The following PVALEF variants were observed in gnomAD, a reference collection of about 807,000 sequenced individuals.
PVALEF encodes parvalbumin like EF-hand containing.
Under a neutral mutation model 1.2 loss-of-function variants are expected in PVALEF, and 2 were observed. The observed-to-expected ratio is 1.68, with a 90% CI of 0.69 to 5.28. The LOEUF is 5.28. PVALEF is among the 30% of genes most tolerant of loss of function. PVALEF has a pLI of 0.06. For missense variants in PVALEF, 35 were observed against 17.7 expected (o/e 1.97, Z -1.75); for synonymous variants, 16 against 6.5 (o/e 2.47, Z -2.24).
At chr17:81,165,861 G>C in intron 1 of PVALEF, 114 bp downstream of exon 1, 1 of 1,534,710 alleles carries the variant, frequency 6.5e-7, no homozygotes, top group Non-Finnish European at 8.8e-7. Flanking sequence ...TGCAAACCGG[G>C]AGCCGTGGGG....
At chr17:81,170,257 CTG>C (rs1408975034) in intron 2 of PVALEF, among the ~76,000 whole-genome samples, 5 of 149,164 alleles carry the variant, frequency 3.4e-5, no homozygotes, top group African/African-American at 9.9e-5. Flanking sequence ...GTGTGCATGT[CTG>C]TGCATATCCA....
intron 1 of PVALEF, 54 bp from the exon 2 acceptor site, chr17:81,166,623 G>C (rs1006014860): frequency 2.2e-6 from 1 of 448,376 alleles, no homozygotes; most frequent in Non-Finnish European, 4.5e-6. Flanking sequence ...GGGGGAACCC[G>C]GGAGCACACC....
intron 2 of PVALEF, among the ~76,000 whole-genome samples, chr17:81,174,703 A>C (rs1460549611): frequency 2.6e-5 from 4 of 152,136 alleles, no homozygotes; most frequent in African/African-American, 9.6e-5. Context: ...TAATCCCAGC[A>C]CTTTGGGAGG....
intron 3 of PVALEF, among the ~76,000 whole-genome samples, chr17:81,179,559 G>C (rs866081943): frequency 7.9e-5 from 12 of 152,112 alleles, no homozygotes; most frequent in Admixed American, 3.9e-4. Context: ...GGGCTGGCAG[G>C]GCAGCGAGTC....
rs747585761 is a variant in PVALEF, at chr17:81,182,056, C to A, written c.333C>A (p.His111Gln). The change falls in exon 6 of 7, where the codon CAC (histidine) becomes CAA (glutamine). Residue 111 changes from histidine (H) to glutamine (Q), a missense_variant. Physicochemically the swap from His to Gln is conservative, Grantham distance 24. Transcript: ENST00000637878. ...CCATGATCCAGGCGGCAGACACACA[C>A]GGGGACGGGAGGATCAACTACGAAG... ...AEAMIQAADT[H>Q]GDGRINYEEF... 2 of 398,750 alleles carry A rather than the reference C, an allele frequency of 5.0e-6. No homozygotes were observed. Among genetic ancestry groups the A allele is most frequent in the Non-Finnish European group, 8.8e-6 (2 of 226,178 alleles). The allele number at this position is 398,750 out of a possible 1,614,324, so 24.7% of individuals were successfully genotyped here.
chr17:81,171,998 C>T (rs537699234), intron 2 of PVALEF, among the ~76,000 whole-genome samples: 2 of 152,322 alleles, frequency 1.3e-5, no homozygotes, highest in East Asian at 1.9e-4. Context: ...GTTCAGTCCC[C>T]ATGGACCGGC....
chr17:81,166,894 CTA>C (rs779185869), intron 2 of PVALEF, 50 bp downstream of exon 2: 2 of 339,796 alleles, frequency 5.9e-6, no homozygotes, highest in Non-Finnish European at 6.0e-6. Context: ...ATCCCTTCCC[CTA>C]TGTTTCTCCC....
intron 2 of PVALEF, among the ~76,000 whole-genome samples, chr17:81,168,073 G>A (rs1435385729): frequency 6.6e-6 from 1 of 152,208 alleles, no homozygotes; most frequent in Non-Finnish European, 1.5e-5. Context: ...CCCAGCTCAG[G>A]AGGGAGTGCC....
chr17:81,169,173 G>T (rs1316257774), intron 2 of PVALEF, among the ~76,000 whole-genome samples: 1 of 152,218 alleles, frequency 6.6e-6, no homozygotes, highest in East Asian at 1.9e-4. Context: ...GCGTCTTCCT[G>T]GGGGGAGGAA....
rs758499687 is a variant in PVALEF, at chr17:81,170,208, GGT to G, written c.-340+3369_-340+3370del. ...GTGCATGTGTCTTTGCATATGTGTAGGTGTGTTGGTATGTGTGCATGTATGTG... is the reference window on the plus strand; with the variant it reads ...GTGCATGTGTCTTTGCATATGTGTAGGTGTTGGTATGTGTGCATGTATGTG... On this transcript the variant is annotated intron_variant, in intron 2 of 6. Coordinates refer to ENST00000637878, the MANE Select transcript of PVALEF (RefSeq NM_001354639.2). 4.2e-4 allele frequency among the ~76,000 whole-genome samples: 63 copies of G among 150,808 alleles called. 1 individual carries two copies. Among genetic ancestry groups the G allele is most frequent in the Admixed American group, 3.5e-3 (53 of 15,144 alleles).
intron 5 of PVALEF, 70 bp from the exon 6 acceptor site, chr17:81,181,896 G>A (rs1475425620): frequency 5.0e-6 from 2 of 398,160 alleles, no homozygotes; most frequent in East Asian, 3.6e-5. Flanking sequence ...GGTGGGGGGC[G>A]AACGGCTCGT....
intron 1 of PVALEF, chr17:81,166,066 C>T (rs1332915354): frequency 2.8e-6 from 3 of 1,087,734 alleles, no homozygotes; most frequent in Non-Finnish European, 3.4e-6. Flanking sequence ...GCCCGAGCCG[C>T]CGCATCACCC....
At chr17:81,171,658 AT>A (rs1167345520) in intron 2 of PVALEF, among the ~76,000 whole-genome samples, 9 of 151,692 alleles carry the variant, frequency 5.9e-5, no homozygotes, top group Non-Finnish European at 1.2e-4. Context: ...CACCCGGCTA[AT>A]TTTTTTGTAG....
Position 81,181,761 on chromosome 17 carries a change from C to T in PVALEF, c.242+67C>T, listed in dbSNP as rs1161859231. On this transcript the variant is annotated intron_variant, in intron 5 of 6. Coordinates refer to ENST00000637878, the MANE Select transcript of PVALEF (RefSeq NM_001354639.2). Reference sequence around the variant, plus strand: ...CAGACCACGCCGAATGCCCACATGGCGGACCCGGCCTTCCCCCACCGGGTC... The same window carrying T: ...CAGACCACGCCGAATGCCCACATGGTGGACCCGGCCTTCCCCCACCGGGTC... The T allele has an allele frequency of 1.5e-5, 6 of 398,566 alleles. No homozygotes were observed. In the South Asian group the frequency reaches 3.8e-4, roughly 25 times the overall value. 24.7% of individuals were successfully genotyped at this position (398,566 alleles called of 1,614,324 possible). A position where few individuals can be genotyped will look rare whatever the true frequency, so the allele number is the denominator to read the frequency against.
At chr17:81,176,775 C>T (rs1360619551) in intron 2 of PVALEF, among the ~76,000 whole-genome samples, 1 of 152,116 alleles carries the variant, frequency 6.6e-6, no homozygotes, top group Non-Finnish European at 1.5e-5. Context: ...CCCAAAAGAA[C>T]TGAAAGCAGG....
At chr17:81,174,604 T>A (rs971014037) in intron 2 of PVALEF, among the ~76,000 whole-genome samples, 1 of 150,822 alleles carries the variant, frequency 6.6e-6, no homozygotes, top group African/African-American at 2.4e-5. Flanking sequence ...CACTCCAGCC[T>A]GCACAACAGA....
At chr17:81,181,849 G>T (rs2061555343) in intron 5 of PVALEF, 117 bp from the exon 6 acceptor site, 1 of 397,876 alleles carries the variant, frequency 2.5e-6, no homozygotes, top group Admixed American at 4.4e-5. Flanking sequence ...GAGGCTCAGA[G>T]GCCCAGGCTC....
intron 3 of PVALEF, among the ~76,000 whole-genome samples, chr17:81,180,601 G>A (rs977436809): frequency 5.9e-5 from 9 of 152,218 alleles, no homozygotes; most frequent in South Asian, 2.1e-4. Flanking sequence ...AGGGGCAGGC[G>A]TCTCCCCACA....
chr17:81,166,505 G>GGGGA (rs1598243433), intron 1 of PVALEF, among the ~76,000 whole-genome samples, 172 bp from the exon 2 acceptor site: 1 of 93,458 alleles, frequency 1.1e-5, no homozygotes, highest in East Asian at 3.8e-4. Flanking sequence ...GAGGCTGGCG[G>GGGGA]GGGGGGGGGA....
Sources: gnomAD v4.1 joint callset for allele counts (sites outside exome capture counted in the v4.1 genomes callset) on GRCh38, gnomAD v4.1.1 for gene constraint, MANE v1.5 for transcripts, NCBI Gene and HGNC (gene_info 2026-07-23, HGNC 2026-07-21) for gene names.